NKAIN2: variants seen among roughly 807,000 people sequenced by gnomAD.
The protein encoded by NKAIN2 is sodium/potassium transporting ATPase interacting 2, also known as sodium/potassium-transporting ATPase subunit beta-1-interacting protein 2.
NKAIN2 carries 14 observed loss-of-function variants against 32.6 expected under a neutral mutation model. That is an observed-to-expected ratio of 0.43 (90% CI 0.28 to 0.67). The LOEUF (loss-of-function observed/expected upper bound fraction) is 0.67, where lower values mean the gene tolerates loss of function less well. NKAIN2 is among the 30% of genes least tolerant of loss of function. The pLI is 0.17. For missense variants in NKAIN2, 198 were observed against 258.3 expected (o/e 0.77, Z 1.60); for synonymous variants, 80 against 87.2 (o/e 0.92, Z 0.46).
chr6:124,018,005 C>T (rs1242678847), intron 1 of NKAIN2, among the ~76,000 whole-genome samples: 1 of 152,324 alleles, frequency 6.6e-6, no homozygotes, highest in East Asian at 1.9e-4. Flanking sequence ...AGGGGCTTCA[C>T]CCCTGCAGCA....
chr6:124,581,387 C>T (rs928932197), intron 3 of NKAIN2, among the ~76,000 whole-genome samples: 8 of 141,838 alleles, frequency 5.6e-5, no homozygotes, highest in Non-Finnish European at 1.1e-4. Context: ...TGCAGTGAGC[C>T]GAGATTGCGC....
chr6:124,352,611 T>C (rs9491134), intron 2 of NKAIN2, among the ~76,000 whole-genome samples: 6,322 of 150,844 alleles, frequency 0.042, 430 homozygotes, highest in African/African-American at 0.14. Flanking sequence ...AGTCCTAGTA[T>C]CCTGCTACTT....
chr6:124,612,286 A>T (rs1245778271), intron 3 of NKAIN2, among the ~76,000 whole-genome samples: 1 of 152,082 alleles, frequency 6.6e-6, no homozygotes, highest in Admixed American at 6.6e-5. Context: ...AAAAAGCAAA[A>T]ACAGTTGCTT....
intron 2 of NKAIN2, among the ~76,000 whole-genome samples, chr6:124,332,220 T>C (rs1168120156): frequency 1.3e-5 from 2 of 151,300 alleles, no homozygotes; most frequent in Admixed American, 1.3e-4. Context: ...TATGTGTGTG[T>C]GTGTATATAC....
chr6:124,222,978 C>A (rs1016416113), intron 1 of NKAIN2, among the ~76,000 whole-genome samples: 1 of 151,794 alleles, frequency 6.6e-6, no homozygotes, highest in Non-Finnish European at 1.5e-5. Context: ...GAAAGAGACC[C>A]CAAGGCAGGC....
chr6:124,490,683 G>C (rs1481341455), intron 3 of NKAIN2, among the ~76,000 whole-genome samples: 1 of 151,644 alleles, frequency 6.6e-6, no homozygotes, highest in African/African-American at 2.4e-5. Context: ...AGTCTACTTA[G>C]TTTGAAAATC....
chr6:123,866,620 T>A (rs150286123), intron 1 of NKAIN2, among the ~76,000 whole-genome samples: 1,553 of 152,106 alleles, frequency 0.01, 27 homozygotes, highest in African/African-American at 0.035. Context: ...TTAGTAGAGA[T>A]GGAGTTTCAC....
chr6:124,334,142 T>C (rs1456322898), intron 2 of NKAIN2, among the ~76,000 whole-genome samples: 2 of 152,236 alleles, frequency 1.3e-5, no homozygotes, highest in Non-Finnish European at 2.9e-5. Flanking sequence ...TATTTCTCTG[T>C]AACACTGAAT....
chr6:124,192,092 T>G (rs1364345991), intron 1 of NKAIN2, among the ~76,000 whole-genome samples: 5 of 152,138 alleles, frequency 3.3e-5, no homozygotes, highest in Admixed American at 2.6e-4. Context: ...TGTTTTCTAT[T>G]TCATTTATTT....
intron 1 of NKAIN2, among the ~76,000 whole-genome samples, chr6:124,062,494 G>A (rs113614493): frequency 1.2e-4 from 18 of 152,114 alleles, no homozygotes; most frequent in African/African-American, 4.3e-4. Context: ...AGTGGCACGA[G>A]CATGGCTCAC....
At chr6:124,415,984 C>T (rs1346679370) in intron 3 of NKAIN2, among the ~76,000 whole-genome samples, 1 of 144,976 alleles carries the variant, frequency 6.9e-6, no homozygotes, top group Non-Finnish European at 1.5e-5. Context: ...TATAGTCCTG[C>T]ATGTCCCTGA....
intron 1 of NKAIN2, among the ~76,000 whole-genome samples, chr6:123,990,114 T>A (rs1221050535): frequency 6.6e-6 from 1 of 152,114 alleles, no homozygotes; most frequent in Non-Finnish European, 1.5e-5. Context: ...AGACACTATT[T>A]ATAAAACCAT....
chr6:124,238,207 A>G (rs1310807157), intron 1 of NKAIN2, among the ~76,000 whole-genome samples: 1 of 152,072 alleles, frequency 6.6e-6, no homozygotes, highest in Non-Finnish European at 1.5e-5. Flanking sequence ...GAATAGCGAA[A>G]AGGGAATCCT....
At chr6:123,845,222 A>G (rs1775040044) in intron 1 of NKAIN2, among the ~76,000 whole-genome samples, 1 of 152,188 alleles carries the variant, frequency 6.6e-6, no homozygotes, top group Non-Finnish European at 1.5e-5. Context: ...ATAAAATGTG[A>G]TATCTTCTAT....
intron 3 of NKAIN2, among the ~76,000 whole-genome samples, chr6:124,389,262 C>T (rs949263357): frequency 9.2e-5 from 14 of 152,044 alleles, no homozygotes; most frequent in Non-Finnish European, 2.9e-5. Flanking sequence ...TCACCCACCT[C>T]CCACTACTTT....
chr6:124,792,696 T>C (rs1268129795), intron 5 of NKAIN2, among the ~76,000 whole-genome samples: 1 of 152,112 alleles, frequency 6.6e-6, no homozygotes. Flanking sequence ...GAAAGATGAA[T>C]AGATCTTTAT....
chr6:123,856,663 C>G (rs1404413346), intron 1 of NKAIN2, among the ~76,000 whole-genome samples: 4 of 152,144 alleles, frequency 2.6e-5, no homozygotes, highest in African/African-American at 7.2e-5. Flanking sequence ...GTGTTTCTCA[C>G]TAGGGGTTCT....
chr6:123,912,563 G>A (rs533226227), intron 1 of NKAIN2, among the ~76,000 whole-genome samples: 1 of 152,206 alleles, frequency 6.6e-6, no homozygotes, highest in East Asian at 1.9e-4. Context: ...ATTGTCTGTT[G>A]TAAATGTGTA....
At chr6:124,725,716 G>A (rs1173774924) in intron 4 of NKAIN2, among the ~76,000 whole-genome samples, 5 of 152,274 alleles carry the variant, frequency 3.3e-5, no homozygotes, top group East Asian at 3.9e-4. Context: ...CAAGATGGCC[G>A]AATAGGAACA....
Sources: allele counts gnomAD v4.1 joint callset (sites outside exome capture counted in the v4.1 genomes callset), GRCh38; gene constraint gnomAD v4.1.1; transcripts MANE v1.5; gene names NCBI Gene and HGNC (gene_info 2026-07-23, HGNC 2026-07-21).